RUBCN: variants seen among roughly 807,000 people sequenced by gnomAD.
The protein encoded by RUBCN is run domain Beclin-1-interacting and cysteine-rich domain-containing protein.
In RUBCN, 74 loss-of-function variants were observed where a neutral mutation model predicts 113.2. The observed-to-expected ratio is 0.65, with a 90% confidence interval of 0.54 to 0.79. RUBCN has a LOEUF of 0.79. Among genes scored for constraint, RUBCN ranks in the 30% least tolerant of loss-of-function variants. The pLI, the probability that RUBCN is intolerant of heterozygous loss-of-function variation, is 0.00. For missense variants in RUBCN, 1,109 were observed against 1,251.7 expected, an observed-to-expected ratio of 0.89 and a Z score of 1.72; for synonymous variants, 480 against 490.0, an observed-to-expected ratio of 0.98 and a Z score of 0.27.
At chr3:197,676,555 C>T (rs1468791465) in intron 18 of RUBCN, 16 of 1,141,140 alleles carry the variant, frequency 1.4e-5, no homozygotes, top group African/African-American at 1.6e-5. Context: ...TCAGGTGACC[C>T]GCCCACCTCG....
intron 7 of RUBCN, among the ~76,000 whole-genome samples, chr3:197,697,702 G>C (rs918789863): frequency 6.6e-6 from 1 of 152,182 alleles, no homozygotes; most frequent in Non-Finnish European, 1.5e-5. Flanking sequence ...GTAGCAGGCA[G>C]GGTTTGCAGG....
intron 11 of RUBCN, among the ~76,000 whole-genome samples, chr3:197,691,931 T>G (rs1722464958): frequency 6.6e-6 from 1 of 152,144 alleles, no homozygotes; most frequent in African/African-American, 2.4e-5. Flanking sequence ...CCTAAAATTC[T>G]TGGAATTTCT....
intron 1 of RUBCN, among the ~76,000 whole-genome samples, chr3:197,731,599 A>G (rs1316680499): frequency 6.7e-6 from 1 of 149,184 alleles, no homozygotes; most frequent in African/African-American, 2.5e-5. Context: ...CACCTCCCGG[A>G]TGGGGCGGCT....
intron 2 of RUBCN, 59 bp downstream of exon 2, chr3:197,717,918 G>A (rs1725722774): frequency 1.4e-5 from 22 of 1,601,326 alleles, no homozygotes; most frequent in South Asian, 7.7e-5. Context: ...CTGCCAATGC[G>A]ACTGTTTCTT....
At chr3:197,745,932 G>GA (rs1728725815) in intron 1 of RUBCN, among the ~76,000 whole-genome samples, 1 of 151,026 alleles carries the variant, frequency 6.6e-6, no homozygotes. Flanking sequence ...AGCTATAGGG[G>GA]AGGTTGAGGA....
At chr3:197,735,879 C>G (rs1270892085) in intron 1 of RUBCN, among the ~76,000 whole-genome samples, 2 of 152,112 alleles carry the variant, frequency 1.3e-5, no homozygotes, top group Non-Finnish European at 2.9e-5. Context: ...TGTGAGGCAC[C>G]GCACCCGGTC....
rs1188818992 is a variant in RUBCN at position 197,736,874 on chromosome 3, C to T, written c.-155G>A. ...CGGGCGGCGACAGCGGGAGGGACCG[C>T]CGCCTGGGCTGCGGCTTCTATCCCG... is the stretch of plus-strand genomic sequence containing the variant. On this transcript the variant is annotated 5_prime_UTR_variant, in exon 1 of 20. Coordinates refer to ENST00000296343, the MANE Select transcript of RUBCN (RefSeq NM_014687.4). The T allele has an allele frequency of 8.0e-6, 11 of 1,374,450 alleles. No individual in the cohort carries two copies. The highest frequency in any genetic ancestry group is 1.0e-5 in the Non-Finnish European group (11 of 1,071,476). The allele number at this position is 1,374,450 out of a possible 1,614,324, so 85.1% of individuals were successfully genotyped here. A position where few individuals can be genotyped will look rare whatever the true frequency, so the allele number is the denominator to read the frequency against.
upstream of RUBCN, among the ~76,000 whole-genome samples, chr3:197,739,097 C>T (rs1467259270): frequency 6.6e-6 from 1 of 151,340 alleles, no homozygotes; most frequent in Non-Finnish European, 1.5e-5. Flanking sequence ...TCCGCCACCA[C>T]GCCCGGCTAA....
intron 2 of RUBCN, among the ~76,000 whole-genome samples, chr3:197,712,599 G>A (rs1007019448): frequency 1.2e-4 from 18 of 152,110 alleles, no homozygotes; most frequent in Admixed American, 4.6e-4. Context: ...CAAGGAAACC[G>A]GCACGGATCT....
intron 7 of RUBCN, 83 bp downstream of exon 7, chr3:197,700,530 A>C (rs1262665465): frequency 7.4e-7 from 1 of 1,350,544 alleles, no homozygotes. Context: ...TCTTTCTGCC[A>C]CCTGAAAAGT....
chr3:197,749,723 C>G, upstream of RUBCN: 1 of 624,700 alleles, frequency 1.6e-6, no homozygotes, highest in Non-Finnish European at 2.9e-6. Context: ...TCGCGAGCGC[C>G]TAGCACAGCG....
At chr3:197,736,951 G>C (rs1014288546), upstream of RUBCN, 1 of 1,307,930 alleles carries the variant, frequency 7.6e-7, no homozygotes, top group African/African-American at 1.6e-5. Flanking sequence ...AGCACTCCGA[G>C]GCTAGGCCGC....
chr3:197,705,918 G>A (rs1724249938), intron 2 of RUBCN, among the ~76,000 whole-genome samples: 1 of 152,004 alleles, frequency 6.6e-6, no homozygotes, highest in South Asian at 2.1e-4. Flanking sequence ...AGTAGAGATG[G>A]GGTTTTACCA....
intron 5 of RUBCN, among the ~76,000 whole-genome samples, chr3:197,702,659 ACT>A (rs1189093003): frequency 1.3e-5 from 2 of 151,978 alleles, no homozygotes; most frequent in African/African-American, 2.4e-5. Flanking sequence ...CAAAGTAAAG[ACT>A]CTGTCTCAAA....
chr3:197,677,607 G>T (rs774603108), intron 16 of RUBCN, 66 bp from the exon 17 acceptor site: 432 of 1,462,090 alleles, frequency 3.0e-4, no homozygotes, highest in Non-Finnish European at 4.0e-4. Context: ...AGTGTGGGAA[G>T]CCCAGGGCCT....
intron 2 of RUBCN, among the ~76,000 whole-genome samples, chr3:197,713,938 G>T (rs768222364): frequency 4.6e-5 from 7 of 151,950 alleles, no homozygotes; most frequent in Non-Finnish European, 1.0e-4. Context: ...TTAGCCGGGC[G>T]TGGTGGCGGG....
chr3:197,734,089 C>G (rs151059014), intron 1 of RUBCN, among the ~76,000 whole-genome samples: 1 of 151,064 alleles, frequency 6.6e-6, no homozygotes, highest in Non-Finnish European at 1.5e-5. Flanking sequence ...AACCCCGTCT[C>G]TACTAAAAAT....
Position 197,705,366 on chromosome 3 carries a change from AG to A in RUBCN, c.220-192del, listed in dbSNP as rs201902269. On this transcript the variant is annotated intron_variant, in intron 2 of 19. Coordinates refer to ENST00000296343, the MANE Select transcript of RUBCN (RefSeq NM_014687.4). ...ACACCTGTAAACCCAGCACTTCAGGAGGACTGCTTGAGTCCAGGTAGACTGG... is the reference window on the plus strand; with the variant it reads ...ACACCTGTAAACCCAGCACTTCAGGAGACTGCTTGAGTCCAGGTAGACTGG... Among the ~76,000 whole-genome samples the A allele has an allele frequency of 2.1e-3, 326 of 152,262 alleles. 7 individuals carry two copies. The East Asian group carries it at 0.052, about 24-fold the overall frequency.
rs1336751977 is a variant in RUBCN, at chr3:197,669,025, T to A, written c.*5993A>T. Among the ~76,000 whole-genome samples, 4 of 152,220 alleles carry A rather than the reference T, an allele frequency of 2.6e-5. No individual in the cohort carries two copies. Among genetic ancestry groups the A allele is most frequent in the African/African-American group, 9.7e-5 (4 of 41,446 alleles). On this transcript the variant is annotated 3_prime_UTR_variant, in exon 20 of 20. Coordinates refer to ENST00000296343, the MANE Select transcript of RUBCN (RefSeq NM_014687.4). ...TATTTTTTCTAACCATATTTTTGCATAACTGTAATTATGATGTACATATGC... is the reference window on the plus strand; with the variant it reads ...TATTTTTTCTAACCATATTTTTGCAAAACTGTAATTATGATGTACATATGC...
Sources: gnomAD v4.1 joint callset for allele counts (sites outside exome capture counted in the v4.1 genomes callset) on GRCh38, gnomAD v4.1.1 for gene constraint, MANE v1.5 for transcripts, NCBI Gene and HGNC (gene_info 2026-07-23, HGNC 2026-07-21) for gene names.